The following ERMAP variants were observed in gnomAD, a reference collection of about 807,000 sequenced individuals.
ERMAP encodes the protein erythroid membrane-associated protein.
ERMAP carries 34 observed loss-of-function variants against 49.5 expected under a neutral mutation model. The observed-to-expected ratio is 0.69, with a 90% CI of 0.52 to 0.91. The LOEUF is 0.91. Among genes scored for constraint, ERMAP ranks in the 40% least tolerant of loss-of-function variants. The pLI, the probability that ERMAP is intolerant of heterozygous loss-of-function variation, is 0.00. For missense variants in ERMAP, 541 were observed against 582.6 expected (o/e 0.93, Z 0.74); for synonymous variants, 214 against 232.2 (o/e 0.92, Z 0.71).
intron 4 of ERMAP, among the ~76,000 whole-genome samples, chr1:42,833,645 T>C (rs1464826036): frequency 6.6e-6 from 1 of 152,210 alleles, no homozygotes; most frequent in Admixed American, 6.5e-5. Flanking sequence ...TGGAAAGTGA[T>C]TTTGATTTTT....
intron 4 of ERMAP, among the ~76,000 whole-genome samples, chr1:42,833,979 C>G (rs1379337097): frequency 6.6e-6 from 1 of 152,210 alleles, no homozygotes; most frequent in Non-Finnish European, 1.5e-5. Context: ...GTAATCCCGG[C>G]TACTTAGGAG....
intron 2 of ERMAP, among the ~76,000 whole-genome samples, chr1:42,829,668 C>T (rs556177594): frequency 3.3e-5 from 5 of 152,322 alleles, no homozygotes; most frequent in African/African-American, 1.2e-4. Context: ...ATAACAACAA[C>T]TACACACTTA....
intron 7 of ERMAP, among the ~76,000 whole-genome samples, chr1:42,838,403 C>T (rs35932223): frequency 0.01 from 1,596 of 152,296 alleles, 22 homozygotes; most frequent in African/African-American, 0.037. Flanking sequence ...GCTGCAAGTA[C>T]TCCCCAGAAA....
Position 42,844,436 on chromosome 1 carries a change from C to CA in ERMAP, c.*1206dup, listed in dbSNP as rs1207332473. 4.3e-6 allele frequency: 1 copy of CA among 235,234 alleles called. No homozygotes were observed. The highest frequency in any genetic ancestry group is 8.1e-6 in the Non-Finnish European group (1 of 122,712). 14.6% of individuals were successfully genotyped at this position (235,234 alleles called of 1,614,324 possible). On this transcript the variant is annotated 3_prime_UTR_variant, in exon 12 of 12. Transcript: ENST00000372517. This position sits in a 1 kb window ranked among gnomAD's most constrained non-coding sequence, Gnocchi z 4.0. ...GTTCTCCGTTAGTTCCTGTATTAGTCAAGGTTTTCCAGAGAAACAGAATCA... is the reference window on the plus strand; with the variant it reads ...GTTCTCCGTTAGTTCCTGTATTAGTCAAAGGTTTTCCAGAGAAACAGAATCA...
chr1:42,826,084 G>A (rs953199895), intron 2 of ERMAP, among the ~76,000 whole-genome samples: 1 of 152,194 alleles, frequency 6.6e-6, no homozygotes, highest in African/African-American at 2.4e-5. Context: ...ACTGTCAAGA[G>A]AACATCTGTT....
At position 42,840,067 on chromosome 1, in the gene ERMAP, G is replaced by A. The variant is rs553590726; in HGVS notation, c.658+14G>A. Reference sequence around the variant, plus strand: ...GGAGTGAACTGAGTAAGTTTCCCATGTTCTTGTAACTTCCGTACCAACTTA... The same window carrying A: ...GGAGTGAACTGAGTAAGTTTCCCATATTCTTGTAACTTCCGTACCAACTTA... On this transcript the variant is annotated intron_variant, in intron 9 of 11. Coordinates refer to ENST00000372517, the MANE Select transcript of ERMAP (RefSeq NM_001017922.2). 1.2e-6 allele frequency: 2 copies of A among 1,614,122 alleles called. No individual in the cohort carries two copies. The highest frequency in any genetic ancestry group is 4.5e-5 in the East Asian group (2 of 44,880).
At position 42,843,190 on chromosome 1, in the gene ERMAP, C is replaced by T; in HGVS notation, c.1386C>T (p.Asp462=). 1 of 1,608,026 alleles carries T rather than the reference C, an allele frequency of 6.2e-7. No individual in the cohort carries two copies. The highest frequency in any genetic ancestry group is 8.5e-7 in the Non-Finnish European group (1 of 1,177,560). Residue 462 remains aspartate, a synonymous_variant, in exon 12 of 12, where the codon GAC becomes GAT. Coordinates refer to ENST00000372517, the MANE Select transcript of ERMAP (RefSeq NM_001017922.2). ...ATATAATCCTGTCCTTGCCCCCTGA[C>T]CTTGGCCCAGCCCTTCAGGAGCTCA... ...LKDIILSLPP[D]LGPALQELKA... is the part of the protein sequence containing the mutation.
At chr1:42,837,222 C>CA in intron 7 of ERMAP, 32 bp downstream of exon 7, 2 of 1,592,706 alleles carry the variant, frequency 1.3e-6, no homozygotes, top group Non-Finnish European at 1.7e-6. Flanking sequence ...GGGTAGGGAA[C>CA]AAAAAACACA....
At chr1:42,836,547 C>G (rs1379995358) in intron 6 of ERMAP, among the ~76,000 whole-genome samples, 1 of 152,048 alleles carries the variant, frequency 6.6e-6, no homozygotes, top group East Asian at 1.9e-4. Context: ...ATGGGGATAT[C>G]AGATGTAATT....
At chr1:42,823,896 G>A (rs371897049) in intron 1 of ERMAP, among the ~76,000 whole-genome samples, 39 of 152,236 alleles carry the variant, frequency 2.6e-4, no homozygotes, top group Non-Finnish European at 3.7e-4. Context: ...TGTCAATACC[G>A]TGAAAAAGGC....
intron 6 of ERMAP, 61 bp from the exon 7 acceptor site, chr1:42,837,097 G>T: frequency 6.3e-7 from 1 of 1,579,516 alleles, no homozygotes; most frequent in South Asian, 1.1e-5. Flanking sequence ...AAATCAATAG[G>T]AATCAGGGAT....
At chr1:42,837,006 G>C in intron 6 of ERMAP, 152 bp from the exon 7 acceptor site, 2 of 697,852 alleles carry the variant, frequency 2.9e-6, no homozygotes. Context: ...TGCCATTTCT[G>C]TTGTCCAGGT....
Position 42,817,262 on chromosome 1 carries a change from C to T in ERMAP, c.-122+9C>T, listed in dbSNP as rs761406733. 2.4e-6 allele frequency: 3 copies of T among 1,245,548 alleles called. No homozygotes were observed. The highest frequency in any genetic ancestry group is 2.6e-5 in the South Asian group (2 of 76,566). The allele number at this position is 1,245,548 out of a possible 1,614,324, so 77.2% of individuals were successfully genotyped here. On this transcript the variant is annotated intron_variant, in intron 1 of 11. Coordinates refer to ENST00000372517, the MANE Select transcript of ERMAP (RefSeq NM_001017922.2). ...ACAACGCCTCCGGGAGGGTAATCCTCGCCTTCCCCCGACCACTGGACCCAG... is the reference window on the plus strand; with the variant it reads ...ACAACGCCTCCGGGAGGGTAATCCTTGCCTTCCCCCGACCACTGGACCCAG...
At chr1:42,821,629 T>G (rs187848198) in intron 1 of ERMAP, among the ~76,000 whole-genome samples, 47 of 152,340 alleles carry the variant, frequency 3.1e-4, no homozygotes, top group Admixed American at 9.2e-4. Context: ...AGGTATATAT[T>G]CTGAGAAACG....
chr1:42,825,773 C>G, intron 2 of ERMAP, 35 bp downstream of exon 2: 1 of 1,288,808 alleles, frequency 7.8e-7, no homozygotes, highest in Non-Finnish European at 1.0e-6. Context: ...GCTTTTTAGT[C>G]CTTTAACTTT....
At chr1:42,838,796 A>G (rs1156951263) in intron 7 of ERMAP, 105 bp from the exon 8 acceptor site, 9 of 1,551,966 alleles carry the variant, frequency 5.8e-6, no homozygotes, top group Non-Finnish European at 8.0e-6. Context: ...TAGAAGCGTC[A>G]CCATCATTTT....
rs547439072 is a variant in ERMAP at position 42,833,425 on chromosome 1, C to A, written c.434-1613C>A. Among the ~76,000 whole-genome samples, 12 of 152,224 alleles carry A rather than the reference C, an allele frequency of 7.9e-5. No homozygotes were observed. In the South Asian group the frequency reaches 2.5e-3, roughly 32 times the overall value. On this transcript the variant is annotated intron_variant, in intron 4 of 11. Coordinates refer to ENST00000372517, the MANE Select transcript of ERMAP (RefSeq NM_001017922.2). ...ATGTTTACACATGTGTATTCTTGTG[C>A]CCAGGATATTTTTCCACTTATGATA...
At chr1:42,830,281 TCACA>T in intron 2 of ERMAP, 159 bp from the exon 3 acceptor site, 2 of 615,478 alleles carry the variant, frequency 3.2e-6, no homozygotes, top group Admixed American at 2.8e-5. Context: ...AGAAGTTCGG[TCACA>T]GTATCACAAG....
chr1:42,836,459 G>A (rs950323523), intron 6 of ERMAP, among the ~76,000 whole-genome samples: 12 of 152,270 alleles, frequency 7.9e-5, no homozygotes, highest in South Asian at 2.1e-4. Context: ...GGAGTGAGGC[G>A]GAGCTGAGCC....
Sources: allele counts gnomAD v4.1 joint callset (sites outside exome capture counted in the v4.1 genomes callset), GRCh38; gene constraint gnomAD v4.1.1; non-coding constraint Gnocchi (gnomAD v3.1); transcripts MANE v1.5; gene names NCBI Gene and HGNC (gene_info 2026-07-23, HGNC 2026-07-21).